The following SYT2 variants were observed in gnomAD, a reference collection of about 807,000 sequenced individuals.
The protein encoded by SYT2 is synaptotagmin 2.
In SYT2, 15 loss-of-function variants were observed where a neutral mutation model predicts 39.9. That is an observed-to-expected ratio of 0.38 (90% confidence interval 0.25 to 0.58). The LOEUF (loss-of-function observed/expected upper bound fraction) is 0.58, where lower values mean the gene tolerates loss of function less well. Among genes scored for constraint, SYT2 ranks in the 20% least tolerant of loss-of-function variants. SYT2 has a pLI of 0.70. For synonymous variants in SYT2, 181 were observed against 204.5 expected (o/e 0.89, Z 0.98); for missense variants, 389 against 530.3 (o/e 0.73, Z 2.62).
intron 1 of SYT2, among the ~76,000 whole-genome samples, chr1:202,710,014 G>C (rs1338726393): frequency 1.3e-5 from 2 of 151,826 alleles, no homozygotes; most frequent in African/African-American, 4.8e-5. Context: ...CCCAGCCCCA[G>C]TCCCTCAGAG....
intron 1 of SYT2, among the ~76,000 whole-genome samples, chr1:202,673,100 T>C (rs1653215238): frequency 6.6e-6 from 1 of 152,130 alleles, no homozygotes; most frequent in African/African-American, 2.4e-5. Context: ...TCTGGGCTTA[T>C]GGATGGTGTT....
At chr1:202,677,917 G>C (rs1039162389) in intron 1 of SYT2, among the ~76,000 whole-genome samples, 1 of 152,138 alleles carries the variant, frequency 6.6e-6, no homozygotes, top group Non-Finnish European at 1.5e-5. Flanking sequence ...TATTATTTGT[G>C]TTGTTCTTAA....
At chr1:202,634,709 T>G (rs1250432664) in intron 1 of SYT2, among the ~76,000 whole-genome samples, 1 of 152,072 alleles carries the variant, frequency 6.6e-6, no homozygotes, top group African/African-American at 2.4e-5. Flanking sequence ...TAAAAAGAAA[T>G]AAAGTATCGA....
At chr1:202,665,440 G>A (rs1692464256) in intron 1 of SYT2, among the ~76,000 whole-genome samples, 1 of 152,180 alleles carries the variant, frequency 6.6e-6, no homozygotes, top group Non-Finnish European at 1.5e-5. Flanking sequence ...TTGTCACAGA[G>A]ACAGGCAGAT....
At chr1:202,598,930 A>G (rs1572606845) in intron 8 of SYT2, among the ~76,000 whole-genome samples, 1 of 152,072 alleles carries the variant, frequency 6.6e-6, no homozygotes, top group Non-Finnish European at 1.5e-5. Context: ...CCCCTCTGGC[A>G]CCTTTGCTAT....
chr1:202,643,614 C>G (rs1439303436), intron 1 of SYT2, among the ~76,000 whole-genome samples: 1 of 151,812 alleles, frequency 6.6e-6, no homozygotes, highest in Non-Finnish European at 1.5e-5. Flanking sequence ...AGGCAATCCC[C>G]GCTGCTGGGG....
At chr1:202,683,048 T>C (rs2149113515) in intron 1 of SYT2, among the ~76,000 whole-genome samples, 1 of 152,254 alleles carries the variant, frequency 6.6e-6, no homozygotes, top group East Asian at 1.9e-4. Context: ...GGAAGAGAGA[T>C]GCCATGTACG....
chr1:202,616,891 A>G (rs1479600231), intron 1 of SYT2, among the ~76,000 whole-genome samples: 1 of 152,198 alleles, frequency 6.6e-6, no homozygotes, highest in African/African-American at 2.4e-5. Context: ...CCACAGGTCA[A>G]CTGGCCCCCG....
chr1:202,709,192 C>A (rs1237099687), intron 1 of SYT2, among the ~76,000 whole-genome samples: 2 of 152,168 alleles, frequency 1.3e-5, no homozygotes, highest in African/African-American at 2.4e-5. Flanking sequence ...ACTGCAGTGG[C>A]CCCTCCTGGG....
At position 202,628,249 on chromosome 1, in the gene SYT2, C is replaced by T. The variant is rs1401961742; in HGVS notation, c.-17-22460G>A. On this transcript the variant is annotated intron_variant, in intron 1 of 8. Transcript: ENST00000367268. The surrounding 1 kb of genome is among the most constrained non-coding windows in gnomAD (Gnocchi z 4.2). ...CGAAACAGGTCACTCGCTCAAGCAC[C>T]CTTCCCCAGAGGATGGAAAGAGCTG... Among the ~76,000 whole-genome samples the T allele has an allele frequency of 6.6e-6, 1 of 152,160 alleles. No individual in the cohort carries two copies. Among genetic ancestry groups the T allele is most frequent in the African/African-American group, 2.4e-5 (1 of 41,430 alleles).
intron 1 of SYT2, among the ~76,000 whole-genome samples, chr1:202,683,806 T>A (rs974915541): frequency 4.0e-5 from 6 of 151,616 alleles, no homozygotes; most frequent in Non-Finnish European, 7.4e-5. Context: ...ACCTTTTCTA[T>A]AGTGCTAGAA....
chr1:202,630,058 T>G (rs563503463), intron 1 of SYT2, among the ~76,000 whole-genome samples: 1 of 151,838 alleles, frequency 6.6e-6, no homozygotes, highest in Non-Finnish European at 1.5e-5. Flanking sequence ...TGACCAGGAA[T>G]GGGAGGAAAG....
Position 202,685,096 on chromosome 1 carries a change from G to C in SYT2, c.-18+25162C>G, listed in dbSNP as rs560295417. On this transcript the variant is annotated intron_variant, in intron 1 of 8. Coordinates refer to ENST00000367268, the MANE Select transcript of SYT2 (RefSeq NM_177402.5). ...TGGTCGCCTGTGAGGGGAAGTCTGA[G>C]AGTTCAGCCCTGTCCTGGCAAACCT... Among the ~76,000 whole-genome samples the C allele has an allele frequency of 7.9e-5, 12 of 152,308 alleles. No individual in the cohort carries two copies. In the East Asian group the frequency reaches 2.3e-3, roughly 29 times the overall value.
chr1:202,599,451 T>A lies in SYT2; in HGVS notation c.920-100A>T. ...GCCCAGAGCATCGGTCAAGAGGGGG[T>A]CTTCACTCCGCTGAGACCAGGCCCT... On this transcript the variant is annotated intron_variant, in intron 7 of 8. Coordinates refer to ENST00000367268, the MANE Select transcript of SYT2 (RefSeq NM_177402.5). This position sits in a 1 kb window ranked among gnomAD's most constrained non-coding sequence, Gnocchi z 4.4. The A allele has an allele frequency of 7.4e-7, 1 of 1,359,706 alleles. No individual in the cohort carries two copies. Among genetic ancestry groups the A allele is most frequent in the Non-Finnish European group, 9.9e-7 (1 of 1,013,944 alleles). The allele number at this position is 1,359,706 out of a possible 1,614,324, so 84.2% of individuals were successfully genotyped here.
chr1:202,686,845 A>G (rs1653681968), intron 1 of SYT2, among the ~76,000 whole-genome samples: 1 of 151,948 alleles, frequency 6.6e-6, no homozygotes, highest in Non-Finnish European at 1.5e-5. Flanking sequence ...CTGAGTCCTC[A>G]TTCTTGTGAT....
At chr1:202,620,801 A>T (rs1424899143) in intron 1 of SYT2, among the ~76,000 whole-genome samples, 1 of 151,792 alleles carries the variant, frequency 6.6e-6, no homozygotes, top group African/African-American at 2.4e-5. Flanking sequence ...GGGTGAGACG[A>T]CCTCGCACAC....
At chr1:202,701,343 A>T (rs1463045939) in intron 1 of SYT2, among the ~76,000 whole-genome samples, 1 of 152,198 alleles carries the variant, frequency 6.6e-6, no homozygotes, top group African/African-American at 2.4e-5. Context: ...TCAGCCTGCA[A>T]CTCAAACAGA....
chr1:202,600,527 C>A (rs1017135532), intron 6 of SYT2, 53 bp from the exon 7 acceptor site: 45 of 1,561,048 alleles, frequency 2.9e-5, no homozygotes, highest in Non-Finnish European at 3.9e-5. Flanking sequence ...TAGTGCCTCT[C>A]TCATGGCTGA....
chr1:202,627,287 G>T (rs1283151913), intron 1 of SYT2, among the ~76,000 whole-genome samples: 1 of 152,178 alleles, frequency 6.6e-6, no homozygotes, highest in Admixed American at 6.5e-5. Context: ...CCTTGTTTAC[G>T]ACTGCATTTC....
Sources: allele counts gnomAD v4.1 joint callset (sites outside exome capture counted in the v4.1 genomes callset), GRCh38; gene constraint gnomAD v4.1.1; non-coding constraint Gnocchi (gnomAD v3.1); transcripts MANE v1.5; gene names NCBI Gene and HGNC (gene_info 2026-07-23, HGNC 2026-07-21).